TMX3: variants seen among roughly 807,000 people sequenced by gnomAD.
TMX3 encodes thioredoxin related transmembrane protein 3, also known as protein disulfide-isomerase TMX3.
In TMX3, 40 loss-of-function variants were observed where a neutral mutation model predicts 64.4. The ratio of observed to expected loss-of-function variants is 0.62; its 90% CI spans 0.48 to 0.81. TMX3 has a LOEUF of 0.81. Ranked by LOEUF, TMX3 falls within the 30% of genes least tolerant of loss-of-function variation. The probability of loss-of-function intolerance (pLI) is 0.00; values close to 1 mark genes in which losing one functional copy is unlikely to be tolerated. For missense variants in TMX3, 497 were observed against 534.5 expected, an observed-to-expected ratio of 0.93 and a Z score of 0.69; for synonymous variants, 189 against 175.7, an observed-to-expected ratio of 1.08 and a Z score of -0.60.
At position 68,710,140 on chromosome 18, in the gene TMX3, T is replaced by C. The variant is rs755440116; in HGVS notation, c.146A>G (p.Tyr49Cys). The C allele has an allele frequency of 3.9e-6, 6 of 1,536,908 alleles. No individual in the cohort carries two copies. The highest frequency in any genetic ancestry group is 1.4e-5 in the African/African-American group (1 of 70,728). Reference sequence around the variant, plus strand: ...TTTACAATGGCCACACCATGGCGCATAAAACTTGTTTTAAAAAAACAAACA... The same window carrying C: ...TTTACAATGGCCACACCATGGCGCACAAAACTTGTTTTAAAAAAACAAACA... ...RNDDIWLVDFYAPWCGHCKKL... is the reference protein window; with the variant it reads ...RNDDIWLVDFCAPWCGHCKKL... Residue 49 changes from tyrosine (Y) to cysteine (C), a missense_variant, in exon 4 of 16, where the codon TAT (tyrosine) becomes TGT (cysteine). Transcript: ENST00000299608.
Position 68,673,866 on chromosome 18 carries a change from T to C in TMX3, c.*3067A>G, listed in dbSNP as rs748496534. The C allele has an allele frequency of 6.6e-6, 1 of 152,138 alleles. No individual in the cohort carries two copies. The highest frequency in any genetic ancestry group is 1.5e-5 in the Non-Finnish European group (1 of 68,008). 9.4% of individuals were successfully genotyped at this position (152,138 alleles called of 1,614,324 possible). The stretch of plus-strand genomic sequence containing the variant: ...GACTCAGACACATTCAGAAAAAATA[T>C]ATATTTATAAAAATAAAATGTCAAG... On this transcript the variant is annotated 3_prime_UTR_variant, in exon 16 of 16. Transcript: ENST00000299608.
In TMX3 at chr18:68,715,056, C is replaced by A. The variant is rs2031831693; in HGVS notation, c.-75G>T. Reference sequence around the variant, plus strand: ...ACACTGGGGTCCGCCGCCTGCCCGCCCGGAAAGGGAAACGGAGCCGACCCG... The same window carrying A: ...ACACTGGGGTCCGCCGCCTGCCCGCACGGAAAGGGAAACGGAGCCGACCCG... On this transcript the variant is annotated 5_prime_UTR_variant, in exon 1 of 16. Transcript: ENST00000299608. The A allele has an allele frequency of 8.4e-6, 13 of 1,546,980 alleles. No individual in the cohort carries two copies. Among genetic ancestry groups the A allele is most frequent in the Non-Finnish European group, 1.1e-5 (13 of 1,144,940 alleles).
chr18:68,700,678 G>A (rs1243365655), intron 5 of TMX3, 193 bp from the exon 6 acceptor site: 1 of 917,324 alleles, frequency 1.1e-6, no homozygotes, highest in Non-Finnish European at 1.3e-6. Context: ...AAGAAAAGAG[G>A]CTGTATTCTA....
At chr18:68,707,748 T>G (rs2030818431) in intron 4 of TMX3, among the ~76,000 whole-genome samples, 1 of 152,192 alleles carries the variant, frequency 6.6e-6, no homozygotes, top group Non-Finnish European at 1.5e-5. Flanking sequence ...CCCTTTATTA[T>G]GTTGTAAGCA....
chr18:68,696,405 C>A lies in TMX3; in HGVS notation c.570+821G>T, dbSNP rs143082510. Among the ~76,000 whole-genome samples the A allele has an allele frequency of 9.2e-3, 1,396 of 152,172 alleles. 6 individuals are homozygous for A. Among genetic ancestry groups the A allele is most frequent in the Middle Eastern group, 0.017 (5 of 294 alleles). ...GCCAGGCTGGTCTCAAACTTCTGAC[C>A]TTGTGATCTGCCTGCCTCGGCCTCC... is the stretch of plus-strand genomic sequence containing the variant. On this transcript the variant is annotated intron_variant, in intron 8 of 15. Coordinates refer to ENST00000299608, the MANE Select transcript of TMX3 (RefSeq NM_019022.5).
chr18:68,711,394 T>C lies in TMX3; in HGVS notation c.111A>G (p.Glu37=), dbSNP rs1184233758. The C allele has an allele frequency of 2.5e-6, 4 of 1,592,204 alleles. No individual in the cohort carries two copies. In the Admixed American group the frequency reaches 6.9e-5, roughly 27 times the overall value. The part of the protein sequence containing the change: ...FVEDLDESFK[E]NRNDDIWLVD... The stretch of plus-strand genomic sequence containing the variant: ...CAAGCCAAATGTCATCATTTCGATT[T>C]TCTTTAAACCTAAAAAACAAGAAAA... Residue 37 remains glutamate, a synonymous_variant, in exon 3 of 16, where the codon GAA becomes GAG. Transcript: ENST00000299608.
At chr18:68,686,225 T>G (rs1286261828) in intron 10 of TMX3, among the ~76,000 whole-genome samples, 1 of 152,152 alleles carries the variant, frequency 6.6e-6, no homozygotes, top group Non-Finnish European at 1.5e-5. Context: ...CAGGGGCAAT[T>G]ATGTCAGACA....
At chr18:68,714,465 A>C (rs2031683733) in intron 1 of TMX3, 1 of 167,138 alleles carries the variant, frequency 6.0e-6, no homozygotes, top group African/African-American at 2.4e-5. Context: ...CCGCTGACAC[A>C]CACTCAGGTC....
chr18:68,676,649 A>G lies in TMX3; in HGVS notation c.*284T>C, dbSNP rs1406721323. 2 of 335,674 alleles carry G rather than the reference A, an allele frequency of 6.0e-6. No homozygotes were observed. The highest frequency in any genetic ancestry group is 1.1e-5 in the Non-Finnish European group (2 of 185,306). 20.8% of individuals were successfully genotyped at this position (335,674 alleles called of 1,614,324 possible). ...CAAGAATCTTAACTTTTTGTCACAG[A>G]ATATTCAGATAGAGAAACATGCAAA... On this transcript the variant is annotated 3_prime_UTR_variant, in exon 16 of 16. Coordinates refer to ENST00000299608, the MANE Select transcript of TMX3 (RefSeq NM_019022.5).
At chr18:68,678,261 T>A in intron 15 of TMX3, among the ~76,000 whole-genome samples, 1 of 152,150 alleles carries the variant, frequency 6.6e-6, no homozygotes, top group Non-Finnish European at 1.5e-5. Context: ...GTTAGCTATA[T>A]TTTTATGATT....
At position 68,708,085 on chromosome 18, in the gene TMX3, A is replaced by G. The variant is rs868589036; in HGVS notation, c.265+1936T>C. Among the ~76,000 whole-genome samples, 348 of 151,140 alleles carry G rather than the reference A, an allele frequency of 2.3e-3. 1 individual carries two copies. Among genetic ancestry groups the G allele is most frequent in the African/African-American group, 8.2e-3 (338 of 41,236 alleles). On this transcript the variant is annotated intron_variant, in intron 4 of 15. Coordinates refer to ENST00000299608, the MANE Select transcript of TMX3 (RefSeq NM_019022.5). ...TATATATGTGTATATGTGTATATAT[A>G]TGTGTGTATATATATATATGGAAAC... is the stretch of plus-strand genomic sequence containing the variant.
At position 68,697,376 on chromosome 18, in the gene TMX3, G is replaced by A. The variant is rs1281388379; in HGVS notation, c.493-73C>T. ...CAAAATTCATTCCTCATTAAACAAT[G>A]AGAGTTACCTTATGTAGTAAGAGTC... is the stretch of plus-strand genomic sequence containing the variant. On this transcript the variant is annotated intron_variant, in intron 7 of 15. Transcript: ENST00000299608. 2.2e-5 allele frequency: 17 copies of A among 779,928 alleles called. No individual in the cohort carries two copies. The Admixed American group carries it at 4.4e-4, about 20-fold the overall frequency. 48.3% of individuals were successfully genotyped at this position (779,928 alleles called of 1,614,324 possible). A position where few individuals can be genotyped will look rare whatever the true frequency, so the allele number is the denominator to read the frequency against.
chr18:68,713,378 G>T (rs1197689714), intron 2 of TMX3, among the ~76,000 whole-genome samples: 2 of 152,184 alleles, frequency 1.3e-5, no homozygotes, highest in Admixed American at 1.3e-4. Flanking sequence ...TAATGCACCG[G>T]TTATACACCA....
intron 4 of TMX3, among the ~76,000 whole-genome samples, chr18:68,709,136 T>G (rs2145136503): frequency 6.6e-6 from 1 of 152,250 alleles, no homozygotes; most frequent in South Asian, 2.1e-4. Context: ...AGAAGCATTA[T>G]AATTAAGTAT....
intron 8 of TMX3, 130 bp from the exon 9 acceptor site, chr18:68,691,491 C>A (rs1240557157): frequency 1.7e-6 from 1 of 574,182 alleles, no homozygotes; most frequent in Non-Finnish European, 3.0e-6. Context: ...ATGTCACAAA[C>A]AGTTAAAGAG....
intron 10 of TMX3, among the ~76,000 whole-genome samples, chr18:68,685,780 A>AC (rs1913891523): frequency 1.3e-5 from 2 of 152,242 alleles, no homozygotes; most frequent in Admixed American, 6.5e-5. Context: ...ATATGCTGCT[A>AC]TAAAAAAAAT....
intron 4 of TMX3, among the ~76,000 whole-genome samples, chr18:68,707,919 G>T (rs1196171881): frequency 1.3e-5 from 2 of 150,176 alleles, no homozygotes; most frequent in Admixed American, 6.7e-5. Flanking sequence ...ATATATATGT[G>T]TGTATATGTG....
chr18:68,674,008 A>G lies in TMX3; in HGVS notation c.*2925T>C, dbSNP rs1273865138. On this transcript the variant is annotated 3_prime_UTR_variant, in exon 16 of 16. Coordinates refer to ENST00000299608, the MANE Select transcript of TMX3 (RefSeq NM_019022.5). ...TAACTCCATGTCGTATGAAGCAATG[A>G]TGAAAATATGTTACTTTTTGCAACA... 1 of 152,118 alleles carries G rather than the reference A, an allele frequency of 6.6e-6. No individual in the cohort carries two copies. The highest frequency in any genetic ancestry group is 1.5e-5 in the Non-Finnish European group (1 of 68,004). The allele number at this position is 152,118 out of a possible 1,614,324, so 9.4% of individuals were successfully genotyped here. A position where few individuals can be genotyped will look rare whatever the true frequency, so the allele number is the denominator to read the frequency against.
rs535415163 is a variant in TMX3, at chr18:68,679,683, T to G, written c.1036-152A>C. ...CATGTGGTAAACATTTACTGTGTTG[T>G]TTTTTGTCTGTGTCATGTCCAGCAT... On this transcript the variant is annotated intron_variant, in intron 14 of 15. Transcript: ENST00000299608. The G allele has an allele frequency of 6.6e-5, 40 of 610,122 alleles. No individual in the cohort carries two copies. In the African/African-American group the frequency reaches 7.6e-4, roughly 12 times the overall value. The allele number at this position is 610,122 out of a possible 1,614,324, so 37.8% of individuals were successfully genotyped here.
Sources: allele counts gnomAD v4.1 joint callset (sites outside exome capture counted in the v4.1 genomes callset), GRCh38; gene constraint gnomAD v4.1.1; transcripts MANE v1.5; gene names NCBI Gene and HGNC (gene_info 2026-07-23, HGNC 2026-07-21).